NUP98: variants seen among roughly 807,000 people sequenced by gnomAD.
The protein encoded by NUP98 is nucleoporin 98 and 96 precursor.
A neutral mutation model predicts 191.9 loss-of-function variants in NUP98; 26 were observed. The ratio of observed to expected loss-of-function variants is 0.14; its 90% CI spans 0.10 to 0.19. The LOEUF (loss-of-function observed/expected upper bound fraction) is 0.19. Ranked by LOEUF, NUP98 falls within the 10% of genes least tolerant of loss-of-function variation. The pLI, the probability that NUP98 is intolerant of heterozygous loss-of-function variation, is 1.00. For missense variants in NUP98, 1,941 were observed against 2,178.8 expected (o/e 0.89, Z 2.17); for synonymous variants, 808 against 778.4 (o/e 1.04, Z -0.63).
chr11:3,725,708 AAG>A (rs1379354599), intron 14 of NUP98, among the ~76,000 whole-genome samples: 6 of 152,194 alleles, frequency 3.9e-5, no homozygotes, highest in Non-Finnish European at 5.9e-5. Flanking sequence ...GGTTTGCCCA[AAG>A]AGAGAGAATT....
intron 13 of NUP98, 69 bp from the exon 14 acceptor site, chr11:3,731,647 C>T: frequency 1.9e-6 from 2 of 1,066,906 alleles, no homozygotes; most frequent in South Asian, 5.2e-5. Flanking sequence ...TTAAAAATCA[C>T]AAGACCAGAT....
At chr11:3,748,141 G>T (rs2080578531) in intron 11 of NUP98, among the ~76,000 whole-genome samples, 1 of 152,118 alleles carries the variant, frequency 6.6e-6, no homozygotes, top group South Asian at 2.1e-4. Flanking sequence ...AAAATGTTAG[G>T]ATATTACATT....
At chr11:3,787,138 G>C (rs535899992) in intron 1 of NUP98, among the ~76,000 whole-genome samples, 7 of 152,292 alleles carry the variant, frequency 4.6e-5, no homozygotes, top group East Asian at 1.9e-4. Context: ...GCTGGGAAAC[G>C]AGGCTGGGTG....
chr11:3,702,975 A>G, intron 22 of NUP98, 83 bp from the exon 23 acceptor site: 7 of 1,135,582 alleles, frequency 6.2e-6, no homozygotes, highest in Non-Finnish European at 8.8e-6. Context: ...AAAATCAGTA[A>G]GGCTGAAATC....
intron 1 of NUP98, among the ~76,000 whole-genome samples, chr11:3,796,796 T>C (rs2082627310): frequency 6.6e-6 from 1 of 152,206 alleles, no homozygotes; most frequent in Non-Finnish European, 1.5e-5. Flanking sequence ...CTTAAACAAT[T>C]TCTAAAGTCC....
chr11:3,778,745 C>G lies in NUP98; in HGVS notation c.355+128G>C, dbSNP rs143961890. ...CTTTTCAGTACATATTGAAGTTTTC[C>G]TCTTCCCTTGTTTTTGCCATTTAGT... On this transcript the variant is annotated intron_variant, in intron 4 of 32. Coordinates refer to ENST00000324932, the MANE Select transcript of NUP98 (RefSeq NM_016320.5). 8.9e-6 allele frequency: 8 copies of G among 902,690 alleles called. No individual in the cohort carries two copies. In the African/African-American group the frequency reaches 1.2e-4, roughly 13 times the overall value. 55.9% of individuals were successfully genotyped at this position (902,690 alleles called of 1,614,324 possible).
At chr11:3,796,666 G>A (rs1010519774) in intron 1 of NUP98, among the ~76,000 whole-genome samples, 3 of 152,182 alleles carry the variant, frequency 2.0e-5, no homozygotes, top group Non-Finnish European at 4.4e-5. Flanking sequence ...AAATATCCAG[G>A]GAGGGTGAGG....
chr11:3,766,518 C>T (rs772747764), intron 8 of NUP98, among the ~76,000 whole-genome samples: 16 of 151,902 alleles, frequency 1.1e-4, no homozygotes, highest in Admixed American at 6.6e-5. Flanking sequence ...AGTGAAACCC[C>T]GGCTCTACTA....
In NUP98 at chr11:3,675,918, A is replaced by C. The variant is rs1260275121; in HGVS notation, c.*241T>G. 1 of 538,256 alleles carries C rather than the reference A, an allele frequency of 1.9e-6. No individual in the cohort carries two copies. The highest frequency in any genetic ancestry group is 3.3e-6 in the Non-Finnish European group (1 of 301,898). The allele number at this position is 538,256 out of a possible 1,614,324, so 33.3% of individuals were successfully genotyped here. A position where few individuals can be genotyped will look rare whatever the true frequency, so the allele number is the denominator to read the frequency against. On this transcript the variant is annotated 3_prime_UTR_variant, in exon 33 of 33. Transcript: ENST00000324932. ...TTTATTGACCATTTTTTTAAAGGAAAAACACTGAATGATCTTGAGGATGGT... is the reference window on the plus strand; with the variant it reads ...TTTATTGACCATTTTTTTAAAGGAACAACACTGAATGATCTTGAGGATGGT...
At chr11:3,740,092 T>A (rs2080225179) in intron 12 of NUP98, among the ~76,000 whole-genome samples, 1 of 152,214 alleles carries the variant, frequency 6.6e-6, no homozygotes, top group South Asian at 2.1e-4. Context: ...AACCCTCATG[T>A]TGTCCAAGGG....
chr11:3,787,236 T>C (rs536811585), intron 1 of NUP98, among the ~76,000 whole-genome samples: 1 of 152,188 alleles, frequency 6.6e-6, no homozygotes, highest in Admixed American at 6.5e-5. Flanking sequence ...TTTTACAGTA[T>C]CCTCCCTAGG....
rs959194124 is a variant in NUP98 at position 3,716,410 on chromosome 11, T to G, written c.2400-2415A>C. On this transcript the variant is annotated intron_variant, in intron 18 of 32. Transcript: ENST00000324932. ...CCCCCGAGTAATTTTTATACCTTAC[T>G]GAAAATCATTTAAGACTGGGCGTGG... 2.0e-5 allele frequency among the ~76,000 whole-genome samples: 3 copies of G among 152,038 alleles called. No homozygotes were observed. In the South Asian group the frequency reaches 6.2e-4, roughly 32 times the overall value.
At chr11:3,711,814 T>A in intron 20 of NUP98, 3 of 1,021,652 alleles carry the variant, frequency 2.9e-6, no homozygotes, top group Non-Finnish European at 2.4e-6. Flanking sequence ...CAAACATGTA[T>A]ATACACACAT....
intron 4 of NUP98, among the ~76,000 whole-genome samples, chr11:3,776,267 A>G (rs559140017): frequency 1.3e-5 from 2 of 151,160 alleles, no homozygotes; most frequent in East Asian, 2.0e-4. Context: ...GACCACAGGC[A>G]TGCGCCACCA....
At chr11:3,784,006 A>C (rs879447024) in intron 1 of NUP98, among the ~76,000 whole-genome samples, 1 of 152,232 alleles carries the variant, frequency 6.6e-6, no homozygotes, top group Admixed American at 6.5e-5. Context: ...CAGACAATAA[A>C]TTAATAAGTA....
chr11:3,747,027 G>T (rs1044995669), intron 11 of NUP98, among the ~76,000 whole-genome samples: 2 of 151,876 alleles, frequency 1.3e-5, no homozygotes, highest in African/African-American at 4.8e-5. Flanking sequence ...ATCCAGATCT[G>T]CCTTGTTTTA....
chr11:3,692,970 T>C, intron 27 of NUP98: 1 of 361,554 alleles, frequency 2.8e-6, no homozygotes, highest in East Asian at 4.6e-5. Flanking sequence ...TCAGGCTGTA[T>C]AACAGGGAAT....
chr11:3,772,886 G>A (rs949592065), intron 6 of NUP98, among the ~76,000 whole-genome samples: 2 of 151,834 alleles, frequency 1.3e-5, no homozygotes, highest in East Asian at 1.9e-4. Context: ...GCTGAGGCAC[G>A]AGAATTGCTT....
At chr11:3,766,689 C>CAA (rs544567161) in intron 8 of NUP98, among the ~76,000 whole-genome samples, 767 of 58,290 alleles carry the variant, frequency 0.013, 17 homozygotes, top group Middle Eastern at 0.048. Flanking sequence ...AACTCCGTCT[C>CAA]AAAAAAAAAA....
Sources: gnomAD v4.1 joint callset for allele counts (sites outside exome capture counted in the v4.1 genomes callset) on GRCh38, gnomAD v4.1.1 for gene constraint, MANE v1.5 for transcripts, NCBI Gene and HGNC (gene_info 2026-07-23, HGNC 2026-07-21) for gene names.